The following LARS2 variants were observed in gnomAD, a reference collection of about 807,000 sequenced individuals.
LARS2 encodes the protein leucyl-tRNA synthetase 2, mitochondrial, also known as leucine--tRNA ligase, mitochondrial.
Under a neutral mutation model 116.6 loss-of-function variants are expected in LARS2, and 81 were observed. The observed-to-expected ratio is 0.69, with a 90% CI of 0.58 to 0.84. The LOEUF (loss-of-function observed/expected upper bound fraction) is 0.84, where lower values mean the gene tolerates loss of function less well. LARS2 is among the 40% of genes least tolerant of loss of function. The pLI is 0.00. For missense variants in LARS2, 968 were observed against 1,114.5 expected (o/e 0.87, Z 1.87); for synonymous variants, 396 against 407.2 (o/e 0.97, Z 0.33).
chr3:45,425,915 T>C (rs1698587483), intron 6 of LARS2, among the ~76,000 whole-genome samples: 1 of 148,348 alleles, frequency 6.7e-6, no homozygotes, highest in South Asian at 2.2e-4. Flanking sequence ...TTCTTTTCTT[T>C]TCTTTTCTTT....
At chr3:45,411,291 C>T (rs559025689) in intron 4 of LARS2, among the ~76,000 whole-genome samples, 2 of 152,358 alleles carry the variant, frequency 1.3e-5, no homozygotes, top group African/African-American at 4.8e-5. Flanking sequence ...GTAAACACCA[C>T]TATAGGAAAA....
chr3:45,506,914 T>TA (rs770263578), intron 15 of LARS2: 6 of 152,062 alleles, frequency 3.9e-5, no homozygotes, highest in Non-Finnish European at 8.8e-5. Flanking sequence ...CTCCTTACCT[T>TA]ACGTAAGAGG....
At chr3:45,416,474 C>T (rs2125685790) in intron 4 of LARS2, among the ~76,000 whole-genome samples, 1 of 152,212 alleles carries the variant, frequency 6.6e-6, no homozygotes. Context: ...AGGTCCGGGC[C>T]ACTGAGTAGG....
intron 12 of LARS2, 24 bp from the exon 13 acceptor site, chr3:45,491,493 A>T (rs1391968462): frequency 1.2e-6 from 2 of 1,611,108 alleles, no homozygotes; most frequent in African/African-American, 2.7e-5. Context: ...GAGAGGAGTG[A>T]GCTTTCTTTT....
At chr3:45,504,437 A>G (rs1263001882) in intron 15 of LARS2, among the ~76,000 whole-genome samples, 1 of 152,020 alleles carries the variant, frequency 6.6e-6, no homozygotes, top group African/African-American at 2.4e-5. Context: ...AAAGAAGTCT[A>G]CTGTACAGAA....
At chr3:45,436,799 C>CAAAA (rs61468802) in intron 6 of LARS2, among the ~76,000 whole-genome samples, 8 of 121,468 alleles carry the variant, frequency 6.6e-5, no homozygotes, top group African/African-American at 2.0e-4. Context: ...AGACTCGTCT[C>CAAAA]AAAAAAAAAA....
chr3:45,454,315 T>C (rs1296626384), intron 7 of LARS2, among the ~76,000 whole-genome samples: 1 of 152,212 alleles, frequency 6.6e-6, no homozygotes, highest in Non-Finnish European at 1.5e-5. Flanking sequence ...TTTATGAACA[T>C]GGCTCCTTTG....
chr3:45,414,755 A>G (rs988510537), intron 4 of LARS2, among the ~76,000 whole-genome samples: 1 of 152,098 alleles, frequency 6.6e-6, no homozygotes, highest in African/African-American at 2.4e-5. Context: ...GCAGCAAAAT[A>G]AAACTTACCC....
intron 6 of LARS2, among the ~76,000 whole-genome samples, chr3:45,428,409 A>G (rs1698635486): frequency 6.6e-6 from 1 of 151,476 alleles, no homozygotes; most frequent in African/African-American, 2.4e-5. Context: ...ACACCCGGAT[A>G]ATTTTTTTTA....
At chr3:45,467,867 G>A (rs1227181364) in intron 8 of LARS2, among the ~76,000 whole-genome samples, 2 of 151,836 alleles carry the variant, frequency 1.3e-5, no homozygotes, top group Non-Finnish European at 1.5e-5. Flanking sequence ...TGGGTAGATC[G>A]CTTGAGCCCA....
chr3:45,492,548 A>G (rs9842334), intron 13 of LARS2, among the ~76,000 whole-genome samples: 2,698 of 152,286 alleles, frequency 0.018, 70 homozygotes, highest in African/African-American at 0.058. Context: ...CAATTAGGTA[A>G]CCACGTAGTG....
intron 6 of LARS2, among the ~76,000 whole-genome samples, chr3:45,438,289 C>G (rs1360902396): frequency 1.3e-5 from 2 of 152,118 alleles, no homozygotes; most frequent in Non-Finnish European, 2.9e-5. Flanking sequence ...CATGTTTAAG[C>G]CAGTCCAGTC....
intron 11 of LARS2, among the ~76,000 whole-genome samples, chr3:45,487,052 T>C (rs1699826967): frequency 6.6e-6 from 1 of 152,132 alleles, no homozygotes; most frequent in African/African-American, 2.4e-5. Context: ...TAAAGTGGTG[T>C]TTTTGCCTCC....
At chr3:45,474,026 G>A (rs1023692451) in intron 8 of LARS2, among the ~76,000 whole-genome samples, 2 of 152,116 alleles carry the variant, frequency 1.3e-5, no homozygotes, top group Admixed American at 6.6e-5. Context: ...TTGGGACAGC[G>A]AAATCGGTCA....
At chr3:45,450,688 A>G (rs1404135671) in intron 7 of LARS2, among the ~76,000 whole-genome samples, 2 of 152,248 alleles carry the variant, frequency 1.3e-5, no homozygotes, top group African/African-American at 2.4e-5. Context: ...ATAGAAGTGC[A>G]GATATCTCTT....
intron 19 of LARS2, 49 bp from the exon 20 acceptor site, chr3:45,523,948 T>G (rs748884526): frequency 7.5e-7 from 1 of 1,341,082 alleles, no homozygotes; most frequent in Non-Finnish European, 1.1e-6. Context: ...TTCTTACCCG[T>G]GCTTATTTTT....
rs576886578 is a variant in LARS2 at position 45,441,132 on chromosome 3, C to G, written c.517-5759C>G. 2.0e-5 allele frequency among the ~76,000 whole-genome samples: 3 copies of G among 151,472 alleles called. No homozygotes were observed. The East Asian group carries it at 5.9e-4, about 30-fold the overall frequency. On this transcript the variant is annotated intron_variant, in intron 6 of 21. Transcript: ENST00000645846. ...CCTCCACCTCCAGGTTCAAGCAATT[C>G]TCCTGCCTCAGCCATCCAAGTAGCT...
chr3:45,538,944 G>A (rs1197956801), intron 20 of LARS2, among the ~76,000 whole-genome samples: 1 of 152,188 alleles, frequency 6.6e-6, no homozygotes, highest in Non-Finnish European at 1.5e-5. Flanking sequence ...AATGAAGGAG[G>A]TGATGTGTTG....
chr3:45,498,877 T>C (rs538489858), intron 14 of LARS2, among the ~76,000 whole-genome samples: 2 of 152,354 alleles, frequency 1.3e-5, no homozygotes, highest in East Asian at 3.9e-4. Flanking sequence ...TGAGAGTTAT[T>C]GGGCTATTAT....
Sources: gnomAD v4.1 joint callset for allele counts (sites outside exome capture counted in the v4.1 genomes callset) on GRCh38, gnomAD v4.1.1 for gene constraint, MANE v1.5 for transcripts, NCBI Gene and HGNC (gene_info 2026-07-23, HGNC 2026-07-21) for gene names.